Variants in SERINC4 observed in about 807,000 individuals in gnomAD.
The protein encoded by SERINC4 is serine incorporator 4.
SERINC4 carries 52 observed loss-of-function variants against 52.0 expected under a neutral mutation model. The ratio of observed to expected loss-of-function variants is 1.00; its 90% CI spans 0.80 to 1.26. The LOEUF is 1.26. Among genes scored for constraint, SERINC4 ranks in the 50% most tolerant of loss-of-function variants. SERINC4 has a pLI of 0.00. For missense variants in SERINC4, 723 were observed against 632.8 expected, an observed-to-expected ratio of 1.14 and a Z score of -1.53; for synonymous variants, 264 against 247.7, an observed-to-expected ratio of 1.07 and a Z score of -0.62.
intron 6 of SERINC4, 37 bp downstream of exon 6, chr15:43,797,108 C>A (rs1225465579): frequency 6.5e-7 from 1 of 1,529,738 alleles, no homozygotes; most frequent in East Asian, 2.4e-5. Flanking sequence ...GCTTTTAAGG[C>A]CCCCAAAACC....
In SERINC4 at chr15:43,800,196, A is replaced by G. The variant is rs1486953025; in HGVS notation, c.-210T>C. 5 of 588,656 alleles carry G rather than the reference A, an allele frequency of 8.5e-6. No homozygotes were observed. The highest frequency in any genetic ancestry group is 1.5e-5 in the Non-Finnish European group (5 of 332,400). 36.5% of individuals were successfully genotyped at this position (588,656 alleles called of 1,614,324 possible). ...GGAGCTTTGTCCTTAGGGCCTCAAC[A>G]CTGCGGCCACTCAGGCTGTTCTCTC... is the stretch of plus-strand genomic sequence containing the variant. On this transcript the variant is annotated 5_prime_UTR_variant, in exon 1 of 12. Coordinates refer to ENST00000319327, the MANE Select transcript of SERINC4 (RefSeq NM_001258031.2).
In SERINC4 at chr15:43,794,779, T is replaced by C; in HGVS notation, c.*221A>G. 3.9e-6 allele frequency: 2 copies of C among 517,378 alleles called. No individual in the cohort carries two copies. Among genetic ancestry groups the C allele is most frequent in the Middle Eastern group, 5.1e-4 (1 of 1,970 alleles). The allele number at this position is 517,378 out of a possible 1,614,324, so 32.0% of individuals were successfully genotyped here. A position where few individuals can be genotyped will look rare whatever the true frequency, so the allele number is the denominator to read the frequency against. On this transcript the variant is annotated 3_prime_UTR_variant, in exon 12 of 12. Coordinates refer to ENST00000319327, the MANE Select transcript of SERINC4 (RefSeq NM_001258031.2). ...AGCTGCTGATTTGGGTGTTAGGCTC[T>C]TGAGCTGGGATGCAGATGTAACAGT... is the stretch of plus-strand genomic sequence containing the variant.
In SERINC4 at chr15:43,796,847, C is replaced by G. The variant is rs1179519853; in HGVS notation, c.938G>C (p.Arg313Thr). 2 of 1,613,912 alleles carry G rather than the reference C, an allele frequency of 1.2e-6. No individual in the cohort carries two copies. The highest frequency in any genetic ancestry group is 1.7e-6 in the Non-Finnish European group (2 of 1,179,772). ...FSALSSRPPE[R>T]VILQGQNHTL... ...AGAATCCAGGTCCTGTCCCTTACCTCTCTCTGGAGGACGGCTGGACAGTGC... is the reference window on the plus strand; with the variant it reads ...AGAATCCAGGTCCTGTCCCTTACCTGTCTCTGGAGGACGGCTGGACAGTGC... Residue 313 changes from arginine to threonine, a missense_variant and splice_region_variant, in exon 7 of 12, where the codon AGA (arginine) becomes ACA (threonine). By Grantham distance (71) the Arg-to-Thr change is moderately conservative. Coordinates refer to ENST00000319327, the MANE Select transcript of SERINC4 (RefSeq NM_001258031.2).
At position 43,796,951 on chromosome 15, in the gene SERINC4, A is replaced by G. The variant is rs779047289; in HGVS notation, c.845-11T>C. On this transcript the variant is annotated splice_polypyrimidine_tract_variant and intron_variant, in intron 6 of 11. Transcript: ENST00000319327. ...CAGAGCGGGGTTGCTCTGGGGAGTA[A>G]GTATAATTGCTTTAGTCTACAGGCT... is the stretch of plus-strand genomic sequence containing the variant. 6.2e-7 allele frequency: 1 copy of G among 1,607,018 alleles called. No individual in the cohort carries two copies. The highest frequency in any genetic ancestry group is 1.1e-5 in the South Asian group (1 of 90,856).
chr15:43,799,848 C>T, intron 1 of SERINC4, 37 bp downstream of exon 1: 3 of 1,454,414 alleles, frequency 2.1e-6, no homozygotes, highest in Non-Finnish European at 2.8e-6. Context: ...CGTCTTCCTC[C>T]CCAGCTTCGG....
intron 5 of SERINC4, chr15:43,797,638 A>G (rs780721835): frequency 2.2e-5 from 11 of 507,128 alleles, no homozygotes; most frequent in Non-Finnish European, 3.9e-5. Flanking sequence ...TGATCCACCC[A>G]CCTCGGCCTC....
chr15:43,798,173 C>T, intron 4 of SERINC4, 160 bp from the exon 5 acceptor site: 1 of 629,346 alleles, frequency 1.6e-6, no homozygotes, highest in Non-Finnish European at 2.8e-6. Context: ...CCTCCACCTC[C>T]TGAGCAGCTG....
In SERINC4 at chr15:43,799,924, G is replaced by T. The variant is rs761257140; in HGVS notation, c.63C>A (p.Ser21Arg). ...TTTTCACTAGGACACTGCTGCCTCC[G>T]CTGTGCTGCTGTGCCAGGCCCAGGG... ...GTSLGLAQQH[S>R]GGSSVLVKSP... is the part of the protein sequence containing the mutation. Residue 21 changes from serine to arginine, a missense_variant, in exon 1 of 12, where the codon AGC (serine) becomes AGA (arginine). By Grantham distance (110) the Ser-to-Arg change is moderately radical. Transcript: ENST00000319327. The T allele has an allele frequency of 1.2e-4, 185 of 1,549,402 alleles. No homozygotes were observed. The highest frequency in any genetic ancestry group is 1.6e-4 in the Non-Finnish European group (180 of 1,146,574).
At position 43,794,958 on chromosome 15, in the gene SERINC4, T is replaced by C. The variant is rs769313998; in HGVS notation, c.*42A>G. 8 of 1,506,974 alleles carry C rather than the reference T, an allele frequency of 5.3e-6. No homozygotes were observed. The highest frequency in any genetic ancestry group is 3.6e-5 in the South Asian group (3 of 83,876). 93.4% of individuals were successfully genotyped at this position (1,506,974 alleles called of 1,614,324 possible). A position where few individuals can be genotyped will look rare whatever the true frequency, so the allele number is the denominator to read the frequency against. ...TGGACAGCTCCCCTTGAGCCAACTCTAGGAGTACAATGTCAGGGGAACCCC... is the reference window on the plus strand; with the variant it reads ...TGGACAGCTCCCCTTGAGCCAACTCCAGGAGTACAATGTCAGGGGAACCCC... On this transcript the variant is annotated 3_prime_UTR_variant, in exon 12 of 12. Coordinates refer to ENST00000319327, the MANE Select transcript of SERINC4 (RefSeq NM_001258031.2).
rs531821428 is a variant in SERINC4, at chr15:43,795,129, G to C, written c.1428C>G (p.Cys476Trp). The C allele has an allele frequency of 2.5e-6, 4 of 1,614,062 alleles. No individual in the cohort carries two copies. Among genetic ancestry groups the C allele is most frequent in the Admixed American group, 1.7e-5 (1 of 60,030 alleles). ...FWVKVASCWA[C>W]VLLYLGLLLA... ...GTAACAGCCCCAGATAGAGGAGTAC[G>C]CAGGCCCAGCATGAGGCAACCTTGA... The change falls in exon 12 of 12, where the codon TGC (cysteine) becomes TGG (tryptophan). Residue 476 changes from cysteine (C) to tryptophan (W), a missense_variant. By Grantham distance (215) the Cys-to-Trp change is radical (BLOSUM62 -2). Coordinates refer to ENST00000319327, the MANE Select transcript of SERINC4 (RefSeq NM_001258031.2).
intron 9 of SERINC4, 158 bp downstream of exon 9, chr15:43,795,997 T>G (rs1446482514): frequency 4.5e-6 from 3 of 669,526 alleles, no homozygotes; most frequent in Non-Finnish European, 7.9e-6. Context: ...TGAGATTATG[T>G]AAAAGTATCT....
rs1192565771 is a variant in SERINC4, at chr15:43,798,979, CG to C, written c.437del (p.Pro146ArgfsTer18). ...LLVHLHSPTS[P>X]RAQLHNSFWL... The stretch of plus-strand genomic sequence containing the variant: ...CAAACCTATTATGCAGCTGTGCCCG[CG>C]GGCTGGTGGGGGAGTGGAGGTGGAC... On this transcript the variant is annotated frameshift_variant, in exon 3 of 12. Coordinates refer to ENST00000319327, the MANE Select transcript of SERINC4 (RefSeq NM_001258031.2). LOFTEE classifies it high-confidence loss of function. The C allele has an allele frequency of 1.3e-6, 2 of 1,550,450 alleles. No individual in the cohort carries two copies. The highest frequency in any genetic ancestry group is 1.7e-6 in the Non-Finnish European group (2 of 1,147,018).
chr15:43,796,870 T>C lies in SERINC4; in HGVS notation c.915A>G (p.Ala305=), dbSNP rs2141691872. ...SCYIMYLTFS[A]LSSRPPERVI... ...CTCTCTCTGGAGGACGGCTGGACAG[T>C]GCAGAGAAAGTCAGATACATGATAT... Residue 305 remains alanine, a synonymous_variant, in exon 7 of 12, where the codon GCA becomes GCG. Transcript: ENST00000319327. The C allele has an allele frequency of 3.1e-6, 5 of 1,614,110 alleles. No homozygotes were observed. The highest frequency in any genetic ancestry group is 4.2e-6 in the Non-Finnish European group (5 of 1,179,996).
rs539513921 is a variant in SERINC4, at chr15:43,797,001, C to G, written c.845-61G>C. The G allele has an allele frequency of 4.0e-6, 6 of 1,499,414 alleles. No homozygotes were observed. The African/African-American group carries it at 8.3e-5, about 21-fold the overall frequency. The allele number at this position is 1,499,414 out of a possible 1,614,324, so 92.9% of individuals were successfully genotyped here. ...TGGTAATTTCCTCCATTTCTACCCC[C>G]ACTTGTACTTCTGTCTCCCCATCCT... On this transcript the variant is annotated intron_variant, in intron 6 of 11. Transcript: ENST00000319327.
intron 3 of SERINC4, chr15:43,798,745 G>A (rs2141695062): frequency 1.6e-6 from 1 of 627,492 alleles, no homozygotes; most frequent in Non-Finnish European, 2.8e-6. Flanking sequence ...ATAAAGGATT[G>A]TGTTACCAAG....
At position 43,800,096 on chromosome 15, in the gene SERINC4, G is replaced by A; in HGVS notation, c.-110C>T. ...GCCACTGTGTTGGGGCTGAGCACCC[G>A]GTCCCGGGCAGAATGGAGACGTCCG... On this transcript the variant is annotated 5_prime_UTR_variant, in exon 1 of 12. Transcript: ENST00000319327. The A allele has an allele frequency of 1.3e-6, 1 of 798,272 alleles. No individual in the cohort carries two copies. Among genetic ancestry groups the A allele is most frequent in the Non-Finnish European group, 1.9e-6 (1 of 520,416 alleles). The allele number at this position is 798,272 out of a possible 1,614,324, so 49.4% of individuals were successfully genotyped here. A position where few individuals can be genotyped will look rare whatever the true frequency, so the allele number is the denominator to read the frequency against.
Position 43,798,966 on chromosome 15 carries a change from GCAGCTGTGCCCGCGGGCT to G in SERINC4, c.433_450del (p.Ser145_Leu150del). ...CAGAAAGTACACACAAACCTATTAT[GCAGCTGTGCCCGCGGGCT>G]GGTGGGGGAGTGGAGGTGGACCAGC... On this transcript the variant is annotated inframe_deletion, in exon 3 of 12. Coordinates refer to ENST00000319327, the MANE Select transcript of SERINC4 (RefSeq NM_001258031.2). 5 of 1,550,514 alleles carry G rather than the reference GCAGCTGTGCCCGCGGGCT, an allele frequency of 3.2e-6. No individual in the cohort carries two copies. In the South Asian group the frequency reaches 5.9e-5, roughly 18 times the overall value.
chr15:43,794,194 T>C lies in SERINC4; in HGVS notation c.*806A>G. ...AACATCACAGAAGAAGCCTTTATTA[T>C]ACAATGACAACCAAACAAGTACTCC... On this transcript the variant is annotated 3_prime_UTR_variant, in exon 12 of 12. Coordinates refer to ENST00000319327, the MANE Select transcript of SERINC4 (RefSeq NM_001258031.2). 5.7e-6 allele frequency: 3 copies of C among 523,464 alleles called. No homozygotes were observed. The highest frequency in any genetic ancestry group is 3.6e-5 in the Admixed American group (1 of 27,760). 32.4% of individuals were successfully genotyped at this position (523,464 alleles called of 1,614,324 possible).
chr15:43,797,888 AG>A, intron 5 of SERINC4, 31 bp downstream of exon 5: 1 of 1,525,676 alleles, frequency 6.6e-7, no homozygotes. Flanking sequence ...AAACCTCCCC[AG>A]GAAAAGCCTT....
Sources: allele counts gnomAD v4.1 joint callset, GRCh38; gene constraint gnomAD v4.1.1; transcripts MANE v1.5; gene names NCBI Gene and HGNC (gene_info 2026-07-23, HGNC 2026-07-21).